TRDN: variants seen among roughly 807,000 people sequenced by gnomAD.
TRDN encodes triadin in skeletal muscle.
TRDN carries 161 observed loss-of-function variants against 149.7 expected under a neutral mutation model. The observed-to-expected ratio is 1.08, with a 90% confidence interval of 0.95 to 1.23. TRDN has a LOEUF of 1.23. TRDN is among the 50% of genes most tolerant of loss of function. The pLI is 0.00. For synonymous variants in TRDN, 294 were observed against 250.5 expected (o/e 1.17, Z -1.64); for missense variants, 896 against 823.5 (o/e 1.09, Z -1.08).
intron 2 of TRDN, among the ~76,000 whole-genome samples, chr6:123,561,839 C>A (rs1282095532): frequency 1.3e-5 from 2 of 152,090 alleles, no homozygotes; most frequent in African/African-American, 4.8e-5. Context: ...CCCTGTGAAA[C>A]ATCGCTCATT....
At chr6:123,427,177 T>C (rs1774157886) in intron 12 of TRDN, among the ~76,000 whole-genome samples, 1 of 151,994 alleles carries the variant, frequency 6.6e-6, no homozygotes, top group Non-Finnish European at 1.5e-5. Context: ...TGATGTTTTT[T>C]GCTGGAATAG....
chr6:123,362,752 T>C (rs1780950188), intron 20 of TRDN, among the ~76,000 whole-genome samples: 1 of 152,180 alleles, frequency 6.6e-6, no homozygotes, highest in Non-Finnish European at 1.5e-5. Flanking sequence ...TCATTGACAG[T>C]AAAACTTCAG....
intron 10 of TRDN, among the ~76,000 whole-genome samples, chr6:123,451,145 G>T (rs9490763): frequency 0.15 from 22,934 of 151,754 alleles, 2,246 homozygotes; most frequent in African/African-American, 0.28. Flanking sequence ...ACATCAAAAA[G>T]ACTAAAAAAG....
At position 123,527,631 on chromosome 6, in the gene TRDN, A is replaced by G. The variant is rs150254317; in HGVS notation, c.484+2875T>C. ...TCATTCTGCCTGTTCCCCAGGGGCC[A>G]TTTATATGAGTCACAATTTAGTTAA... is the stretch of plus-strand genomic sequence containing the variant. On this transcript the variant is annotated intron_variant, in intron 5 of 40. Coordinates refer to ENST00000334268, the MANE Select transcript of TRDN (RefSeq NM_006073.4). Among the ~76,000 whole-genome samples the G allele has an allele frequency of 4.6e-5, 7 of 152,002 alleles. No homozygotes were observed. The East Asian group carries it at 1.4e-3, about 29-fold the overall frequency.
intron 20 of TRDN, among the ~76,000 whole-genome samples, chr6:123,363,583 A>G (rs1296575502): frequency 1.2e-4 from 19 of 152,212 alleles, no homozygotes; most frequent in Non-Finnish European, 2.8e-4. Context: ...GATGTCAATA[A>G]TGCATGCGAA....
At chr6:123,360,690 A>G (rs1780862152) in intron 20 of TRDN, among the ~76,000 whole-genome samples, 1 of 140,286 alleles carries the variant, frequency 7.1e-6, no homozygotes, top group Non-Finnish European at 1.5e-5. Context: ...AAAGTGGTAG[A>G]GAGACAGAGA....
intron 24 of TRDN, among the ~76,000 whole-genome samples, chr6:123,292,517 C>G (rs1445566089): frequency 6.6e-6 from 1 of 152,164 alleles, no homozygotes; most frequent in Non-Finnish European, 1.5e-5. Flanking sequence ...AGGCTTTCCA[C>G]TATAAAAATA....
chr6:123,569,445 A>G (rs1072344), intron 2 of TRDN, among the ~76,000 whole-genome samples: 60,058 of 152,122 alleles, frequency 0.39, 12,712 homozygotes, highest in African/African-American at 0.51. Flanking sequence ...ATTTTCTGGT[A>G]TCCTTATAGC....
At position 123,375,618 on chromosome 6, in the gene TRDN, T is replaced by C; in HGVS notation, c.1260A>G (p.Lys420=). 1 of 1,533,338 alleles carries C rather than the reference T, an allele frequency of 6.5e-7. No individual in the cohort carries two copies. Among genetic ancestry groups the C allele is most frequent in the African/African-American group, 1.4e-5 (1 of 71,794 alleles). 95.0% of individuals were successfully genotyped at this position (1,533,338 alleles called of 1,614,324 possible). A position where few individuals can be genotyped will look rare whatever the true frequency, so the allele number is the denominator to read the frequency against. ...PKKEHSVPSD[K]QVKAKTERAK... Reference sequence around the variant, plus strand: ...TGTTCAACATACTTGCTTTTACTTGTTTGTCACTTGGAACTGTTAATGACA... The same window carrying C: ...TGTTCAACATACTTGCTTTTACTTGCTTGTCACTTGGAACTGTTAATGACA... The change falls in exon 19 of 41, where the codon AAA becomes AAG. Residue 420 remains lysine (K), a synonymous_variant. Transcript: ENST00000334268.
At chr6:123,377,976 A>G (rs1781573890) in intron 16 of TRDN, 78 bp from the exon 17 acceptor site, 2 of 1,080,868 alleles carry the variant, frequency 1.9e-6, no homozygotes, top group South Asian at 1.6e-5. Context: ...TTGTTTTAAC[A>G]CAAAGAAACA....
chr6:123,313,495 T>G (rs1385657325), intron 24 of TRDN, among the ~76,000 whole-genome samples: 2 of 151,962 alleles, frequency 1.3e-5, no homozygotes, highest in Non-Finnish European at 2.9e-5. Flanking sequence ...TTTGTTTTTC[T>G]TTTAAAAGTC....
At chr6:123,256,089 T>TA (rs1776548801) in intron 35 of TRDN, among the ~76,000 whole-genome samples, 187 bp from the exon 36 acceptor site, 2 of 152,162 alleles carry the variant, frequency 1.3e-5, no homozygotes, top group African/African-American at 4.8e-5. Flanking sequence ...TCCCTCCCCT[T>TA]AACCCCCACC....
chr6:123,302,926 C>A (rs1778481333), intron 24 of TRDN, among the ~76,000 whole-genome samples: 2 of 151,838 alleles, frequency 1.3e-5, no homozygotes, highest in Admixed American at 6.6e-5. Context: ...TAGATTATAA[C>A]CTTTTATATT....
chr6:123,626,554 T>A (rs1423817303), intron 1 of TRDN, among the ~76,000 whole-genome samples: 1 of 152,174 alleles, frequency 6.6e-6, no homozygotes, highest in Non-Finnish European at 1.5e-5. Flanking sequence ...CTTCCACTTC[T>A]AATTCTAGAT....
chr6:123,354,429 C>T (rs1404640411), intron 20 of TRDN, among the ~76,000 whole-genome samples: 1 of 151,832 alleles, frequency 6.6e-6, no homozygotes, highest in Non-Finnish European at 1.5e-5. Context: ...GCCTAAAACA[C>T]AATCATCTCA....
intron 1 of TRDN, among the ~76,000 whole-genome samples, chr6:123,627,026 T>G (rs374472116): frequency 1.3e-5 from 2 of 151,950 alleles, no homozygotes; most frequent in African/African-American, 4.8e-5. Flanking sequence ...CCACCCGGGT[T>G]CAAGTAATTC....
chr6:123,270,545 T>C (rs1334416757), intron 30 of TRDN, among the ~76,000 whole-genome samples: 1 of 151,970 alleles, frequency 6.6e-6, no homozygotes, highest in African/African-American at 2.4e-5. Flanking sequence ...CAGATGTGAA[T>C]TGATTTCAAG....
At chr6:123,427,944 C>T (rs1774192492) in intron 12 of TRDN, among the ~76,000 whole-genome samples, 1 of 152,062 alleles carries the variant, frequency 6.6e-6, no homozygotes, top group Non-Finnish European at 1.5e-5. Context: ...GGTTGGTTTT[C>T]TAAAATACTT....
intron 1 of TRDN, among the ~76,000 whole-genome samples, chr6:123,605,183 T>C (rs1249155949): frequency 6.6e-6 from 1 of 150,698 alleles, no homozygotes; most frequent in Non-Finnish European, 1.5e-5. Context: ...CCTCATTTTA[T>C]TCTAAATGAT....
Sources: gnomAD v4.1 joint callset for allele counts (sites outside exome capture counted in the v4.1 genomes callset) on GRCh38, gnomAD v4.1.1 for gene constraint, MANE v1.5 for transcripts, NCBI Gene and HGNC (gene_info 2026-07-23, HGNC 2026-07-21) for gene names.